Variants in GRIK4 observed in about 807,000 individuals in gnomAD.
GRIK4 encodes the protein glutamate ionotropic receptor kainate type subunit 4.
Under a neutral mutation model 104.9 loss-of-function variants are expected in GRIK4, and 40 were observed. The ratio of observed to expected loss-of-function variants is 0.38; its 90% confidence interval spans 0.30 to 0.50. GRIK4 has a LOEUF of 0.50. Among genes scored for constraint, GRIK4 ranks in the 20% least tolerant of loss-of-function variants. GRIK4 has a pLI of 0.93. For missense variants in GRIK4, 1,047 were observed against 1,308.1 expected (o/e 0.80, Z 3.08); for synonymous variants, 485 against 524.9 (o/e 0.92, Z 1.04).
chr11:120,742,082 A>G (rs1951342568), intron 3 of GRIK4, among the ~76,000 whole-genome samples: 1 of 152,190 alleles, frequency 6.6e-6, no homozygotes, highest in African/African-American at 2.4e-5. Flanking sequence ...ATGGTGGCTC[A>G]TGCCTGTAAT....
At chr11:120,900,644 G>A (rs12577774) in intron 12 of GRIK4, among the ~76,000 whole-genome samples, 5 of 152,058 alleles carry the variant, frequency 3.3e-5, no homozygotes, top group Non-Finnish European at 7.4e-5. Context: ...TGATACCCAG[G>A]GGTCAGGGTG....
intron 12 of GRIK4, among the ~76,000 whole-genome samples, chr11:120,900,929 G>GT (rs1353872581): frequency 1.3e-5 from 2 of 152,178 alleles, no homozygotes; most frequent in Admixed American, 6.5e-5. Context: ...GGGGGAGGGG[G>GT]TGCAGCACCC....
At chr11:120,594,460 G>C (rs1053766274) in intron 1 of GRIK4, among the ~76,000 whole-genome samples, 7 of 152,202 alleles carry the variant, frequency 4.6e-5, no homozygotes, top group Admixed American at 2.6e-4. Flanking sequence ...CTGGGCAGCA[G>C]AGCACAACCC....
At chr11:120,854,816 T>C (rs1296876291) in intron 8 of GRIK4, among the ~76,000 whole-genome samples, 1 of 152,144 alleles carries the variant, frequency 6.6e-6, no homozygotes. Context: ...TGAGGAAACT[T>C]TTCTGATTAA....
At chr11:120,618,616 G>A (rs1949144756) in intron 1 of GRIK4, among the ~76,000 whole-genome samples, 1 of 152,210 alleles carries the variant, frequency 6.6e-6, no homozygotes, top group South Asian at 2.1e-4. Context: ...CGTGGGCCAG[G>A]CCCAGGGCCC....
chr11:120,927,104 G>A (rs1221192071), intron 13 of GRIK4, among the ~76,000 whole-genome samples: 1 of 152,170 alleles, frequency 6.6e-6, no homozygotes, highest in African/African-American at 2.4e-5. Context: ...AATCAGGATG[G>A]GGGTTAGCAT....
Position 120,511,845 on chromosome 11 carries a change from C to A in GRIK4, c.-201C>A. 1 of 351,418 alleles carries A rather than the reference C, an allele frequency of 2.8e-6. No homozygotes were observed. Among genetic ancestry groups the A allele is most frequent in the Non-Finnish European group, 5.8e-6 (1 of 172,694 alleles). The allele number at this position is 351,418 out of a possible 1,614,324, so 21.8% of individuals were successfully genotyped here. A position where few individuals can be genotyped will look rare whatever the true frequency, so the allele number is the denominator to read the frequency against. ...AGCAGCCCCGCGGCCGGCCCGGCAGCGCCCGGCCCCCGGCTCAGCCCCCGG... is the reference window on the plus strand; with the variant it reads ...AGCAGCCCCGCGGCCGGCCCGGCAGAGCCCGGCCCCCGGCTCAGCCCCCGG... On this transcript the variant is annotated 5_prime_UTR_variant, in exon 1 of 21. Transcript: ENST00000527524.
intron 3 of GRIK4, among the ~76,000 whole-genome samples, chr11:120,711,176 T>C (rs1045420637): frequency 6.6e-6 from 1 of 152,166 alleles, no homozygotes; most frequent in Admixed American, 6.5e-5. Flanking sequence ...AGACATCAAA[T>C]ACTAATGGCA....
chr11:120,703,713 AC>A (rs1232341389), intron 3 of GRIK4, among the ~76,000 whole-genome samples: 1 of 152,102 alleles, frequency 6.6e-6, no homozygotes, highest in African/African-American at 2.4e-5. Context: ...AAATACTGTT[AC>A]TTAAACTTGT....
chr11:120,551,167 C>T (rs1462357093), intron 1 of GRIK4, among the ~76,000 whole-genome samples: 3 of 151,970 alleles, frequency 2.0e-5, no homozygotes, highest in South Asian at 2.1e-4. Flanking sequence ...TGAGGGAAGC[C>T]GGTAGATTTG....
chr11:120,754,260 C>T (rs1251231447), intron 3 of GRIK4, among the ~76,000 whole-genome samples: 1 of 152,196 alleles, frequency 6.6e-6, no homozygotes, highest in Non-Finnish European at 1.5e-5. Flanking sequence ...CATCTGCCTG[C>T]CTCAGCCTCC....
Position 120,793,203 on chromosome 11 carries a change from A to C in GRIK4, c.83-9490A>C, listed in dbSNP as rs138454149. On this transcript the variant is annotated intron_variant, in intron 3 of 20. Coordinates refer to ENST00000527524, the MANE Select transcript of GRIK4 (RefSeq NM_014619.5). ...GTTTGGGTGGAGTGGTGGGGACGGA[A>C]GGCAGAGTGCAGTGGGTCGAGGAGA... Among the ~76,000 whole-genome samples, 648 of 152,276 alleles carry C rather than the reference A, an allele frequency of 4.3e-3. 2 individuals carry two copies. Among genetic ancestry groups the C allele is most frequent in the Non-Finnish European group, 7.0e-3 (477 of 68,028 alleles).
chr11:120,940,568 C>CAT lies in GRIK4; in HGVS notation c.1590+108_1590+109insAT. On this transcript the variant is annotated intron_variant, in intron 14 of 20. Transcript: ENST00000527524. This position sits in a 1 kb window ranked among gnomAD's most constrained non-coding sequence, Gnocchi z 4.3. ...TCATGGAAATATTTAGATTTCAAGA[C>CAT]TTAAATGCAAATGTGCTGGGCTATT... The CAT allele has an allele frequency of 1.4e-6, 1 of 690,634 alleles. No individual in the cohort carries two copies. The highest frequency in any genetic ancestry group is 2.8e-5 in the Admixed American group (1 of 35,346). The allele number at this position is 690,634 out of a possible 1,614,324, so 42.8% of individuals were successfully genotyped here.
intron 1 of GRIK4, among the ~76,000 whole-genome samples, chr11:120,605,322 C>G (rs1948945723): frequency 1.3e-5 from 2 of 152,226 alleles, no homozygotes; most frequent in African/African-American, 4.8e-5. Context: ...CACTGCTCTG[C>G]CCTTACAACA....
intron 3 of GRIK4, among the ~76,000 whole-genome samples, chr11:120,668,135 ATAGATAGATAGATAAGTAGG>A (rs1949950179): frequency 6.6e-6 from 1 of 151,262 alleles, no homozygotes. Context: ...AGATAGATAG[ATAGATAGATAGATAAGTAGG>A]TAGATAAGTA....
intron 3 of GRIK4, among the ~76,000 whole-genome samples, chr11:120,718,184 C>G (rs867516883): frequency 2.6e-5 from 4 of 152,096 alleles, no homozygotes; most frequent in Non-Finnish European, 4.4e-5. Flanking sequence ...AGAGCAAAGA[C>G]AGGACTCAGC....
At chr11:120,672,809 C>T (rs1950042643) in intron 3 of GRIK4, among the ~76,000 whole-genome samples, 1 of 152,168 alleles carries the variant, frequency 6.6e-6, no homozygotes, top group Non-Finnish European at 1.5e-5. Flanking sequence ...TGCTTATCAG[C>T]TTAAGGAGTT....
chr11:120,952,989 C>G lies in GRIK4; in HGVS notation c.1700+25C>G. 1 of 1,439,348 alleles carries G rather than the reference C, an allele frequency of 6.9e-7. No individual in the cohort carries two copies. Among genetic ancestry groups the G allele is most frequent in the Non-Finnish European group, 9.8e-7 (1 of 1,021,768 alleles). 89.2% of individuals were successfully genotyped at this position (1,439,348 alleles called of 1,614,324 possible). On this transcript the variant is annotated intron_variant, in intron 15 of 20. Transcript: ENST00000527524. This position sits in a 1 kb window ranked among gnomAD's most constrained non-coding sequence, Gnocchi z 5.2. Reference sequence around the variant, plus strand: ...GGTACTCTCCTCTTCCCTTCCCTGTCCTTACACCGCCACCTCGTGTCCACC... The same window carrying G: ...GGTACTCTCCTCTTCCCTTCCCTGTGCTTACACCGCCACCTCGTGTCCACC...
intron 1 of GRIK4, among the ~76,000 whole-genome samples, chr11:120,551,079 A>C (rs1718843175): frequency 6.6e-6 from 1 of 152,110 alleles, no homozygotes; most frequent in South Asian, 2.1e-4. Flanking sequence ...TCACGAGACG[A>C]ATGGTTTGGC....
Sources: allele counts gnomAD v4.1 joint callset (sites outside exome capture counted in the v4.1 genomes callset), GRCh38; gene constraint gnomAD v4.1.1; non-coding constraint Gnocchi (gnomAD v3.1); transcripts MANE v1.5; gene names NCBI Gene and HGNC (gene_info 2026-07-23, HGNC 2026-07-21).